TRAK1: variants seen among roughly 807,000 people sequenced by gnomAD.
The protein encoded by TRAK1 is trafficking kinesin-binding protein 1.
In TRAK1, 33 loss-of-function variants were observed where a neutral mutation model predicts 92.1. That is an observed-to-expected ratio of 0.36 (90% CI 0.27 to 0.48). The LOEUF is 0.48. Ranked by LOEUF, TRAK1 falls within the 20% of genes least tolerant of loss-of-function variation. The pLI is 0.99. For missense variants in TRAK1, 1,123 were observed against 1,257.9 expected (o/e 0.89, Z 1.62); for synonymous variants, 521 against 517.3 (o/e 1.01, Z -0.10).
intron 2 of TRAK1, among the ~76,000 whole-genome samples, chr3:42,163,004 ATC>A (rs1378845112): frequency 6.6e-6 from 1 of 152,206 alleles, no homozygotes; most frequent in Non-Finnish European, 1.5e-5. Context: ...GTGATGTTAA[ATC>A]TCTGCTGCTT....
rs1708171034 is a variant in TRAK1, at chr3:42,110,107, TA to T, written c.92-15312del. On this transcript the variant is annotated intron_variant, in intron 1 of 15. Coordinates refer to ENST00000327628, the MANE Select transcript of TRAK1 (RefSeq NM_001042646.3). ...CTAGAACTTAAAGTATATATATATA[TA>T]TATATATATATATATATATATATAA... Among the ~76,000 whole-genome samples the T allele has an allele frequency of 1.7e-5, 2 of 119,850 alleles. 1 individual carries two copies. Among genetic ancestry groups the T allele is most frequent in the South Asian group, 5.3e-4 (2 of 3,784 alleles). The allele number at this position is 119,850 out of a possible 152,430, so 78.6% of individuals were successfully genotyped here. A position where few individuals can be genotyped will look rare whatever the true frequency, so the allele number is the denominator to read the frequency against.
chr3:42,030,427 C>T (rs1702086789), intron 1 of TRAK1, among the ~76,000 whole-genome samples: 1 of 149,546 alleles, frequency 6.7e-6, no homozygotes, highest in South Asian at 2.1e-4. Context: ...AATCCCAGCA[C>T]TTTGGGAGGC....
At chr3:42,210,453 A>G in intron 14 of TRAK1, 1 of 1,265,638 alleles carries the variant, frequency 7.9e-7, no homozygotes, top group South Asian at 3.2e-5. Flanking sequence ...TGAAAACATC[A>G]GTGCCCTTCT....
At chr3:42,057,775 G>A (rs1289350170) in intron 1 of TRAK1, among the ~76,000 whole-genome samples, 1 of 152,116 alleles carries the variant, frequency 6.6e-6, no homozygotes, top group Non-Finnish European at 1.5e-5. Flanking sequence ...TCTTGGGCAG[G>A]CCACATGTCT....
At chr3:42,106,541 TAAC>T (rs1707596086) in intron 1 of TRAK1, among the ~76,000 whole-genome samples, 1 of 152,164 alleles carries the variant, frequency 6.6e-6, no homozygotes, top group South Asian at 2.1e-4. Context: ...AATATAATAA[TAAC>T]AAAATAGACA....
intron 2 of TRAK1, among the ~76,000 whole-genome samples, chr3:42,157,391 G>A (rs970455304): frequency 4.3e-5 from 6 of 138,652 alleles, no homozygotes; most frequent in Non-Finnish European, 7.6e-5. Context: ...CCTAGAGGTC[G>A]AGGCTGCAGT....
At chr3:42,210,007 T>C (rs776229945) in intron 14 of TRAK1, 22 bp downstream of exon 14, 24 of 1,614,052 alleles carry the variant, frequency 1.5e-5, no homozygotes, top group Non-Finnish European at 1.8e-5. Context: ...CAAGCACGTG[T>C]GACTGTCTCA....
intron 1 of TRAK1, among the ~76,000 whole-genome samples, chr3:42,059,875 C>T (rs1229881792): frequency 6.6e-6 from 1 of 152,064 alleles, no homozygotes. Flanking sequence ...CTTCACAGAT[C>T]ATTGAGGAAT....
intron 1 of TRAK1, among the ~76,000 whole-genome samples, chr3:42,037,405 A>G (rs1702365170): frequency 6.6e-6 from 1 of 152,136 alleles, no homozygotes; most frequent in Non-Finnish European, 1.5e-5. Flanking sequence ...GCTTCATCTG[A>G]TGTTTCCTGC....
intron 10 of TRAK1, among the ~76,000 whole-genome samples, chr3:42,196,536 C>CT (rs1241372018): frequency 5.2e-5 from 7 of 134,920 alleles, no homozygotes; most frequent in Admixed American, 2.5e-4. Flanking sequence ...TTTTTCTCTT[C>CT]TTCTTTTTTT....
At chr3:42,176,764 T>C (rs778541435) in intron 2 of TRAK1, 50 bp from the exon 3 acceptor site, 2 of 1,548,006 alleles carry the variant, frequency 1.3e-6, no homozygotes, top group Middle Eastern at 1.7e-4. Context: ...GTCATTTGTT[T>C]GGCAGGTTTG....
At chr3:42,094,531 C>T (rs1006759186) in intron 1 of TRAK1, among the ~76,000 whole-genome samples, 6 of 152,016 alleles carry the variant, frequency 3.9e-5, no homozygotes, top group African/African-American at 9.7e-5. Context: ...CTGGAGCCAC[C>T]GTGCCTGGCT....
intron 2 of TRAK1, 139 bp from the exon 3 acceptor site, chr3:42,176,675 T>C: frequency 4.1e-6 from 3 of 736,814 alleles, no homozygotes; most frequent in East Asian, 2.5e-5. Flanking sequence ...GGTGAGTACA[T>C]TGCGGGTTGA....
chr3:42,086,415 C>T, upstream of TRAK1, among the ~76,000 whole-genome samples: 1 of 151,552 alleles, frequency 6.6e-6, no homozygotes, highest in East Asian at 1.9e-4. Context: ...AAGCAATTCT[C>T]CTGCCTCAAC....
intron 10 of TRAK1, among the ~76,000 whole-genome samples, chr3:42,198,536 A>C (rs1193718597): frequency 6.6e-6 from 1 of 152,046 alleles, no homozygotes; most frequent in Admixed American, 6.5e-5. Flanking sequence ...GCCAGGGAGG[A>C]TGAGAGCAGG....
chr3:42,042,838 G>A (rs575861694), intron 1 of TRAK1, among the ~76,000 whole-genome samples: 1 of 152,230 alleles, frequency 6.6e-6, no homozygotes, highest in South Asian at 2.1e-4. Context: ...TCTCTCTGGG[G>A]CGGGTCATCT....
chr3:42,036,487 G>A (rs1315394580), intron 1 of TRAK1, among the ~76,000 whole-genome samples: 1 of 152,052 alleles, frequency 6.6e-6, no homozygotes, highest in African/African-American at 2.4e-5. Context: ...GGATTTGGAA[G>A]TGGGTACTGG....
At chr3:42,181,291 C>A (rs1703963910) in intron 3 of TRAK1, among the ~76,000 whole-genome samples, 1 of 143,668 alleles carries the variant, frequency 7.0e-6, no homozygotes, top group South Asian at 2.3e-4. Context: ...CGCCTGTAAT[C>A]CCAGCACTTT....
chr3:42,158,375 C>T (rs1359856629), intron 2 of TRAK1, among the ~76,000 whole-genome samples: 1 of 152,116 alleles, frequency 6.6e-6, no homozygotes, highest in Admixed American at 6.5e-5. Context: ...CTCTCTCCTG[C>T]CTTCTCAGGG....
Sources: allele counts gnomAD v4.1 joint callset (sites outside exome capture counted in the v4.1 genomes callset), GRCh38; gene constraint gnomAD v4.1.1; transcripts MANE v1.5; gene names NCBI Gene and HGNC (gene_info 2026-07-23, HGNC 2026-07-21).